Variants in GSG1 observed in about 807,000 individuals in gnomAD.
GSG1 encodes germ cell-specific gene 1 protein.
A neutral mutation model predicts 30.8 loss-of-function variants in GSG1; 28 were observed. The observed-to-expected ratio is 0.91, with a 90% CI of 0.67 to 1.25. The LOEUF is 1.25. GSG1 is among the 50% of genes most tolerant of loss of function. The probability of loss-of-function intolerance (pLI) is 0.00; values close to 1 mark genes in which losing one functional copy is unlikely to be tolerated. For synonymous variants in GSG1, 162 were observed against 178.0 expected, an observed-to-expected ratio of 0.91 and a Z score of 0.71; for missense variants, 435 against 444.7, an observed-to-expected ratio of 0.98 and a Z score of 0.20.
chr12:13,098,251 C>A (rs566800308), intron 1 of GSG1, among the ~76,000 whole-genome samples: 4 of 151,860 alleles, frequency 2.6e-5, no homozygotes, highest in African/African-American at 9.7e-5. Context: ...CACGTGCTTC[C>A]CCCACCAGTC....
chr12:13,086,709 A>G (rs1204914577), intron 6 of GSG1, among the ~76,000 whole-genome samples: 1 of 152,118 alleles, frequency 6.6e-6, no homozygotes, highest in Non-Finnish European at 1.5e-5. Flanking sequence ...AAGGAAGTGA[A>G]GAGGAGAGGA....
At chr12:13,088,195 C>G (rs956987861) in intron 4 of GSG1, 136 bp from the exon 5 acceptor site, 1 of 874,070 alleles carries the variant, frequency 1.1e-6, no homozygotes, top group African/African-American at 1.7e-5. Context: ...CAGCTGAAAC[C>G]AGGGAGGAAC....
At chr12:13,100,837 T>A (rs1191936219) in intron 1 of GSG1, among the ~76,000 whole-genome samples, 1 of 152,154 alleles carries the variant, frequency 6.6e-6, no homozygotes, top group Non-Finnish European at 1.5e-5. Context: ...TAACCACGTT[T>A]AAGGGGCCAC....
chr12:13,087,807 T>A, intron 5 of GSG1, 100 bp downstream of exon 5: 2 of 1,271,912 alleles, frequency 1.6e-6, no homozygotes, highest in Non-Finnish European at 2.1e-6. Context: ...TTAAAGAGCC[T>A]TTGGGCTCCT....
chr12:13,102,215 C>A (rs1433812541), intron 1 of GSG1, among the ~76,000 whole-genome samples: 1 of 152,162 alleles, frequency 6.6e-6, no homozygotes, highest in African/African-American at 2.4e-5. Context: ...GAGGACTGTT[C>A]GCCTGACTCA....
At chr12:13,092,442 C>T (rs142421235) in intron 1 of GSG1, among the ~76,000 whole-genome samples, 18 of 152,262 alleles carry the variant, frequency 1.2e-4, no homozygotes, top group African/African-American at 3.9e-4. Flanking sequence ...CTACTGAAGT[C>T]CTGCCCCTTC....
chr12:13,090,568 C>T lies in GSG1; in HGVS notation c.299G>A (p.Arg100Gln), dbSNP rs779122135. ...ACTCCGGAAGCTCCGGAAGGAGAAC[C>T]GGTCATCCCCAGTCTCCCAGTTGTA... ...VQYNWETGDD[R>Q]FSFRSFRSGM... The change falls in exon 2 of 7, where the codon CGG (arginine) becomes CAG (glutamine). Residue 100 changes from arginine to glutamine, a missense_variant. Coordinates refer to ENST00000651961, the MANE Select transcript of GSG1 (RefSeq NM_001080555.4). 1.6e-5 allele frequency: 26 copies of T among 1,614,090 alleles called. No individual in the cohort carries two copies. Among genetic ancestry groups the T allele is most frequent in the South Asian group, 9.9e-5 (9 of 91,080 alleles).
intron 1 of GSG1, among the ~76,000 whole-genome samples, chr12:13,094,005 G>T (rs1050949463): frequency 2.0e-5 from 3 of 152,208 alleles, no homozygotes; most frequent in African/African-American, 7.2e-5. Flanking sequence ...CAGAAAAGAA[G>T]CCCATGGTTA....
At chr12:13,086,112 G>A (rs908144276) in intron 6 of GSG1, among the ~76,000 whole-genome samples, 6 of 152,190 alleles carry the variant, frequency 3.9e-5, no homozygotes, top group Admixed American at 2.0e-4. Flanking sequence ...GGTCACATGC[G>A]GGCACTGTGT....
Position 13,101,412 on chromosome 12 carries a change from T to G in GSG1, c.48+2053A>C, listed in dbSNP as rs1478131845. 6.6e-6 allele frequency among the ~76,000 whole-genome samples: 1 copy of G among 152,096 alleles called. No homozygotes were observed. Among genetic ancestry groups the G allele is most frequent in the Non-Finnish European group, 1.5e-5 (1 of 67,994 alleles). On this transcript the variant is annotated intron_variant, in intron 1 of 6. Coordinates refer to ENST00000651961, the MANE Select transcript of GSG1 (RefSeq NM_001080555.4). The surrounding 1 kb of genome is among the most constrained non-coding windows in gnomAD (Gnocchi z 5.8). ...AACCACCCATGGCTTCCTGACCGGGTCGGGCGGGGGTACCCGGGCTGTTTC... is the reference window on the plus strand; with the variant it reads ...AACCACCCATGGCTTCCTGACCGGGGCGGGCGGGGGTACCCGGGCTGTTTC...
Position 13,095,706 on chromosome 12 carries a change from C to T in GSG1, c.49-4888G>A, listed in dbSNP as rs1462364891. The T allele has an allele frequency of 9.4e-6, 15 of 1,589,690 alleles. 1 individual carries two copies. The Admixed American group carries it at 2.5e-4, about 26-fold the overall frequency. On this transcript the variant is annotated intron_variant, in intron 1 of 6. Transcript: ENST00000651961. ...TGCAAGAATGCAAACTGTCTTCCTA[C>T]CCTCCTCCCTCTCCTCCTACCCCTC... is the stretch of plus-strand genomic sequence containing the variant.
At chr12:13,098,533 A>G (rs1862920029) in intron 1 of GSG1, among the ~76,000 whole-genome samples, 1 of 133,696 alleles carries the variant, frequency 7.5e-6, no homozygotes, top group African/African-American at 2.8e-5. Context: ...TAGATCCTCA[A>G]ATACTTCCCA....
At chr12:13,092,748 CA>C (rs1327627849) in intron 1 of GSG1, among the ~76,000 whole-genome samples, 1 of 151,910 alleles carries the variant, frequency 6.6e-6, no homozygotes, top group Non-Finnish European at 1.5e-5. Context: ...GAATAAGCAT[CA>C]GATAGCAATA....
chr12:13,098,264 C>T (rs1039753569), intron 1 of GSG1, among the ~76,000 whole-genome samples: 1 of 151,700 alleles, frequency 6.6e-6, no homozygotes, highest in African/African-American at 2.4e-5. Context: ...CACCAGTCGG[C>T]AAAATGTGGG....
Position 13,085,012 on chromosome 12 carries a change from G to A in GSG1, c.978C>T (p.Val326=). ...HQYHNQPIHS[V]SEGVDFYSEL... is the part of the protein sequence containing the mutation. ...CGGAGTAGAAGTCGACTCCCTCAGA[G>A]ACAGAGTGGATGGGCTGATTATGAT... The change falls in exon 7 of 7, where the codon GTC becomes GTT. Residue 326 remains valine, a synonymous_variant. Coordinates refer to ENST00000651961, the MANE Select transcript of GSG1 (RefSeq NM_001080555.4). The A allele has an allele frequency of 6.4e-7, 1 of 1,562,850 alleles. No homozygotes were observed. The highest frequency in any genetic ancestry group is 8.7e-7 in the Non-Finnish European group (1 of 1,152,760).
Position 13,090,719 on chromosome 12 carries a change from A to G in GSG1, c.148T>C (p.Tyr50His), listed in dbSNP as rs145215999. ...ACCTTCTGTGTGCCCACAAACCAGT[A>G]GTTGCTGAGCAGGGATGTTGTGGAG... is the stretch of plus-strand genomic sequence containing the variant. ...SFSTTSLLSNYWFVGTQKVPK... is the reference protein window; with the variant it reads ...SFSTTSLLSNHWFVGTQKVPK... The change falls in exon 2 of 7, where the codon TAC (tyrosine) becomes CAC (histidine). Residue 50 changes from tyrosine (Y) to histidine (H), a missense_variant. Coordinates refer to ENST00000651961, the MANE Select transcript of GSG1 (RefSeq NM_001080555.4). 6.2e-7 allele frequency: 1 copy of G among 1,614,244 alleles called. No individual in the cohort carries two copies. Among genetic ancestry groups the G allele is most frequent in the Non-Finnish European group, 8.5e-7 (1 of 1,180,042 alleles).
At position 13,084,707 on chromosome 12, in the gene GSG1, AG is replaced by A; in HGVS notation, c.*193del. The A allele has an allele frequency of 2.0e-6, 1 of 488,086 alleles. No individual in the cohort carries two copies. Among genetic ancestry groups the A allele is most frequent in the South Asian group, 3.9e-5 (1 of 25,334 alleles). 30.2% of individuals were successfully genotyped at this position (488,086 alleles called of 1,614,324 possible). On this transcript the variant is annotated 3_prime_UTR_variant, in exon 7 of 7. Coordinates refer to ENST00000651961, the MANE Select transcript of GSG1 (RefSeq NM_001080555.4). ...TGTGAGATGTGGGGTGGGTGAAACA[AG>A]ATGGAGCTGTAGAGGAAAAGAGAGC...
At chr12:13,095,783 A>G (rs1866616885) in intron 1 of GSG1, 2 of 1,515,574 alleles carry the variant, frequency 1.3e-6, no homozygotes, top group Admixed American at 4.0e-5. Context: ...GCTGCCTTAC[A>G]GGGAACACGG....
intron 1 of GSG1, among the ~76,000 whole-genome samples, chr12:13,102,507 C>G (rs1338174168): frequency 6.6e-6 from 1 of 152,222 alleles, no homozygotes; most frequent in Non-Finnish European, 1.5e-5. Context: ...CTTGGGGCTG[C>G]TTCTGAATTA....
Sources: allele counts gnomAD v4.1 joint callset (sites outside exome capture counted in the v4.1 genomes callset), GRCh38; gene constraint gnomAD v4.1.1; non-coding constraint Gnocchi (gnomAD v3.1); transcripts MANE v1.5; gene names NCBI Gene and HGNC (gene_info 2026-07-23, HGNC 2026-07-21).